Variants in CHRM3 observed in about 807,000 individuals in gnomAD.
CHRM3 encodes cholinergic receptor muscarinic 3.
A neutral mutation model predicts 41.8 loss-of-function variants in CHRM3; 11 were observed. That is an observed-to-expected ratio of 0.26 (90% CI 0.17 to 0.44). The LOEUF is 0.44. Ranked by LOEUF, CHRM3 falls within the 20% of genes least tolerant of loss-of-function variation. The pLI is 1.00. For missense variants in CHRM3, 571 were observed against 745.4 expected (o/e 0.77, Z 2.72); for synonymous variants, 297 against 301.4 (o/e 0.99, Z 0.15).
intron 3 of CHRM3, among the ~76,000 whole-genome samples, chr1:239,605,053 T>C (rs1025024232): frequency 2.6e-5 from 4 of 152,216 alleles, no homozygotes; most frequent in African/African-American, 9.6e-5. Context: ...GCAATTTTAA[T>C]AGAGAAATTT....
At chr1:239,396,401 A>G (rs1168366933) in intron 1 of CHRM3, among the ~76,000 whole-genome samples, 3 of 152,126 alleles carry the variant, frequency 2.0e-5, no homozygotes, top group African/African-American at 7.2e-5. Flanking sequence ...GTTTGAGGCC[A>G]GAAGTTGAAG....
intron 5 of CHRM3, among the ~76,000 whole-genome samples, chr1:239,734,657 CATGTT>C (rs1462086044): frequency 3.3e-5 from 5 of 152,012 alleles, no homozygotes; most frequent in African/African-American, 1.2e-4. Flanking sequence ...TAATCAGATA[CATGTT>C]ATAAGTGCGC....
In CHRM3 at chr1:239,907,414, T is replaced by A; in HGVS notation, c.-19-19T>A. ...AGGCAGAAATTTTTCTAACTCTGTC[T>A]CTTCTCTCTTTCCCCCAGACTATGT... On this transcript the variant is annotated intron_variant, in intron 6 of 6. Transcript: ENST00000676153. The surrounding 1 kb of genome is among the most constrained non-coding windows in gnomAD (Gnocchi z 5.4). The A allele has an allele frequency of 6.4e-7, 1 of 1,567,394 alleles. No individual in the cohort carries two copies. The highest frequency in any genetic ancestry group is 8.7e-7 in the Non-Finnish European group (1 of 1,153,886).
intron 1 of CHRM3, among the ~76,000 whole-genome samples, chr1:239,399,386 A>G (rs563672727): frequency 2.7e-5 from 4 of 149,208 alleles, no homozygotes; most frequent in South Asian, 2.1e-4. Context: ...TTCTCTTAGC[A>G]GTTATCACGT....
chr1:239,614,614 C>T (rs757285332), intron 3 of CHRM3, among the ~76,000 whole-genome samples: 54 of 152,110 alleles, frequency 3.6e-4, no homozygotes, highest in Non-Finnish European at 7.2e-4. Context: ...AGAATTTTCA[C>T]GCTTATTTAC....
intron 1 of CHRM3, among the ~76,000 whole-genome samples, chr1:239,435,398 G>T (rs1013490860): frequency 6.6e-6 from 1 of 150,720 alleles, no homozygotes; most frequent in South Asian, 2.1e-4. Flanking sequence ...GCAGTGAGCC[G>T]AGATTGCACC....
At chr1:239,644,697 A>G (rs1671582307) in intron 4 of CHRM3, among the ~76,000 whole-genome samples, 1 of 152,196 alleles carries the variant, frequency 6.6e-6, no homozygotes, top group South Asian at 2.1e-4. Flanking sequence ...TGTGCTTTTC[A>G]AACACTCATG....
chr1:239,573,366 A>G (rs752384725), intron 3 of CHRM3, among the ~76,000 whole-genome samples: 3 of 152,220 alleles, frequency 2.0e-5, no homozygotes, highest in Non-Finnish European at 2.9e-5. Flanking sequence ...GTTTATCGGT[A>G]GAAAGTTACT....
intron 1 of CHRM3, among the ~76,000 whole-genome samples, chr1:239,428,872 A>G (rs1161589348): frequency 1.3e-5 from 2 of 152,240 alleles, no homozygotes; most frequent in Non-Finnish European, 2.9e-5. Flanking sequence ...GCTTTTTAGC[A>G]TAAGCGTTCT....
chr1:239,496,100 C>T (rs964225524), intron 2 of CHRM3, among the ~76,000 whole-genome samples: 7 of 152,072 alleles, frequency 4.6e-5, no homozygotes, highest in South Asian at 4.1e-4. Flanking sequence ...AATACTTTTA[C>T]GACTCCTTAT....
At chr1:239,643,064 T>C (rs1415877856) in intron 4 of CHRM3, among the ~76,000 whole-genome samples, 2 of 152,186 alleles carry the variant, frequency 1.3e-5, no homozygotes, top group Non-Finnish European at 1.5e-5. Context: ...TCAGCAGCAG[T>C]GTCTGCAGAA....
rs1246859544 is a variant in CHRM3, at chr1:239,766,878, AT to A, written c.-146-60369del. 2.0e-5 allele frequency among the ~76,000 whole-genome samples: 3 copies of A among 151,988 alleles called. No individual in the cohort carries two copies. The East Asian group carries it at 5.8e-4, about 29-fold the overall frequency. Reference sequence around the variant, plus strand: ...AGGCACACGCCACCATGCCTGGCTAATTTTTGTATTTTTAGTAGAGACAGGG... The same window carrying A: ...AGGCACACGCCACCATGCCTGGCTAATTTTGTATTTTTAGTAGAGACAGGG... On this transcript the variant is annotated intron_variant, in intron 5 of 6. Transcript: ENST00000676153.
intron 3 of CHRM3, among the ~76,000 whole-genome samples, chr1:239,573,740 A>T (rs1474394709): frequency 6.6e-6 from 1 of 152,126 alleles, no homozygotes; most frequent in African/African-American, 2.4e-5. Context: ...TCTTTTAAAC[A>T]ATTTCACAAA....
chr1:239,716,536 A>G (rs1662384773), intron 5 of CHRM3, among the ~76,000 whole-genome samples: 1 of 152,138 alleles, frequency 6.6e-6, no homozygotes, highest in South Asian at 2.1e-4. Context: ...TAAATGTAGA[A>G]GGCTTCACTG....
chr1:239,643,990 T>C (rs1671497901), intron 4 of CHRM3, among the ~76,000 whole-genome samples: 1 of 152,246 alleles, frequency 6.6e-6, no homozygotes, highest in African/African-American at 2.4e-5. Context: ...AAACCTATTT[T>C]ATAGCCATTC....
At position 239,386,991 on chromosome 1, in the gene CHRM3, T is replaced by A. The variant is rs1194301057; in HGVS notation, c.-757T>A. On this transcript the variant is annotated 5_prime_UTR_variant, in exon 1 of 7. Coordinates refer to ENST00000676153, the MANE Select transcript of CHRM3 (RefSeq NM_001375978.1). ...CCCCGGAGCGCACACCGCGGGGCCA[T>A]CGGTGCCATCGCGGATCTCCAGGCT... The A allele has an allele frequency of 6.6e-6, 1 of 152,010 alleles. No individual in the cohort carries two copies. The highest frequency in any genetic ancestry group is 2.4e-5 in the African/African-American group (1 of 41,426). 9.4% of individuals were successfully genotyped at this position (152,010 alleles called of 1,614,324 possible). A position where few individuals can be genotyped will look rare whatever the true frequency, so the allele number is the denominator to read the frequency against.
intron 5 of CHRM3, among the ~76,000 whole-genome samples, chr1:239,799,234 TAGAG>T (rs982324161): frequency 3.9e-5 from 6 of 152,246 alleles, no homozygotes; most frequent in Admixed American, 1.3e-4. Flanking sequence ...TGGGTAGACT[TAGAG>T]AGAGCAACTT....
intron 3 of CHRM3, among the ~76,000 whole-genome samples, chr1:239,582,503 A>G (rs1023813355): frequency 3.3e-5 from 5 of 152,194 alleles, no homozygotes; most frequent in Admixed American, 2.0e-4. Flanking sequence ...GGCAGCCCCT[A>G]TGCTCATGGG....
chr1:239,571,123 C>T (rs1332478276), intron 3 of CHRM3, among the ~76,000 whole-genome samples: 1 of 152,062 alleles, frequency 6.6e-6, no homozygotes, highest in African/African-American at 2.4e-5. Flanking sequence ...CCCGAATCTA[C>T]CCAGAGAAAT....
Sources: gnomAD v4.1 joint callset for allele counts (sites outside exome capture counted in the v4.1 genomes callset) on GRCh38, gnomAD v4.1.1 for gene constraint, Gnocchi (gnomAD v3.1) non-coding constraint, MANE v1.5 for transcripts, NCBI Gene and HGNC (gene_info 2026-07-23, HGNC 2026-07-21) for gene names.